The following RNF13 variants were observed in gnomAD, a reference collection of about 807,000 sequenced individuals.
RNF13 encodes the protein ring finger protein 13.
A neutral mutation model predicts 37.7 loss-of-function variants in RNF13; 19 were observed. The ratio of observed to expected loss-of-function variants is 0.50; its 90% confidence interval spans 0.35 to 0.74. RNF13 has a LOEUF of 0.74. Ranked by LOEUF, RNF13 falls within the 30% of genes least tolerant of loss-of-function variation. RNF13 has a pLI of 0.01. For missense variants in RNF13, 375 were observed against 453.0 expected, an observed-to-expected ratio of 0.83 and a Z score of 1.56; for synonymous variants, 144 against 157.8, an observed-to-expected ratio of 0.91 and a Z score of 0.65.
chr3:149,916,109 G>A (rs569058648), intron 7 of RNF13, among the ~76,000 whole-genome samples: 1 of 151,476 alleles, frequency 6.6e-6, no homozygotes, highest in East Asian at 1.9e-4. Flanking sequence ...AAAGAAAATT[G>A]GGGTTATCTG....
At chr3:149,873,389 T>C (rs1193527015) in intron 4 of RNF13, among the ~76,000 whole-genome samples, 2 of 152,210 alleles carry the variant, frequency 1.3e-5, no homozygotes, top group Admixed American at 6.5e-5. Flanking sequence ...TTTTTGAAGA[T>C]GAAACCACAG....
At chr3:149,912,152 G>T in intron 7 of RNF13, 69 bp downstream of exon 7, 1 of 756,758 alleles carries the variant, frequency 1.3e-6, no homozygotes, top group Non-Finnish European at 2.3e-6. Context: ...TGTATTGAGT[G>T]AGAGAATTTA....
intron 1 of RNF13, among the ~76,000 whole-genome samples, chr3:149,826,844 C>T (rs143548001): frequency 7.7e-4 from 117 of 152,328 alleles, no homozygotes; most frequent in Non-Finnish European, 7.3e-4. Flanking sequence ...GCAACTTCTG[C>T]TTCCTGGGCT....
At chr3:149,830,970 A>C (rs1022633524) in intron 1 of RNF13, among the ~76,000 whole-genome samples, 2 of 152,272 alleles carry the variant, frequency 1.3e-5, no homozygotes, top group African/African-American at 4.8e-5. Flanking sequence ...TGCAAACCCC[A>C]AGCATTGACA....
chr3:149,939,610 T>C (rs1358721252), intron 8 of RNF13: 3 of 627,898 alleles, frequency 4.8e-6, no homozygotes, highest in Non-Finnish European at 9.1e-6. Flanking sequence ...ATTCATTGCC[T>C]CTGTTTCAAC....
intron 1 of RNF13, among the ~76,000 whole-genome samples, chr3:149,840,131 A>T (rs929096842): frequency 6.6e-6 from 1 of 152,244 alleles, no homozygotes; most frequent in African/African-American, 2.4e-5. Context: ...TACAGACTGA[A>T]CAGAAAGTAA....
At chr3:149,924,768 G>A (rs1718474719) in intron 8 of RNF13, among the ~76,000 whole-genome samples, 1 of 152,176 alleles carries the variant, frequency 6.6e-6, no homozygotes, top group African/African-American at 2.4e-5. Context: ...AAAGAAATGG[G>A]GTCATAGCTG....
chr3:149,875,765 T>G (rs1193786924), intron 4 of RNF13, among the ~76,000 whole-genome samples: 1 of 152,222 alleles, frequency 6.6e-6, no homozygotes, highest in Non-Finnish European at 1.5e-5. Context: ...TGATTACATG[T>G]CAGGTACTTA....
intron 8 of RNF13, among the ~76,000 whole-genome samples, chr3:149,938,802 T>C (rs1250222570): frequency 6.6e-6 from 1 of 152,022 alleles, no homozygotes; most frequent in East Asian, 1.9e-4. Context: ...AAGCAAAGGG[T>C]GGAGTTCCAT....
At chr3:149,884,745 G>T (rs1713823090) in intron 4 of RNF13, among the ~76,000 whole-genome samples, 1 of 151,862 alleles carries the variant, frequency 6.6e-6, no homozygotes, top group Non-Finnish European at 1.5e-5. Context: ...TATCCTTTGT[G>T]TTACATACAA....
intron 3 of RNF13, among the ~76,000 whole-genome samples, chr3:149,868,828 CT>C (rs1301513354): frequency 6.6e-6 from 1 of 151,726 alleles, no homozygotes; most frequent in African/African-American, 2.4e-5. Context: ...TTGGGGTAGT[CT>C]TATTTGGGTC....
At chr3:149,937,285 G>GTA (rs1273110267) in intron 8 of RNF13, among the ~76,000 whole-genome samples, 3 of 152,176 alleles carry the variant, frequency 2.0e-5, no homozygotes, top group Non-Finnish European at 2.9e-5. Context: ...TAGGGAAACT[G>GTA]GCTGTCTACC....
intron 6 of RNF13, among the ~76,000 whole-genome samples, chr3:149,902,800 C>G (rs1274292996): frequency 6.6e-6 from 1 of 152,038 alleles, no homozygotes; most frequent in Non-Finnish European, 1.5e-5. Flanking sequence ...CGTAGTTGAC[C>G]AGAACAGACT....
chr3:149,847,724 A>G (rs149789999), intron 2 of RNF13, among the ~76,000 whole-genome samples: 2 of 152,338 alleles, frequency 1.3e-5, no homozygotes, highest in East Asian at 3.9e-4. Context: ...TATTCTTGGC[A>G]TGACTTTTGA....
At chr3:149,827,512 T>C (rs942624795) in intron 1 of RNF13, among the ~76,000 whole-genome samples, 1 of 152,168 alleles carries the variant, frequency 6.6e-6, no homozygotes, top group African/African-American at 2.4e-5. Flanking sequence ...GCATTCAGTC[T>C]ATAAATATTA....
intron 6 of RNF13, among the ~76,000 whole-genome samples, chr3:149,909,498 C>T (rs1333126533): frequency 7.3e-6 from 1 of 137,286 alleles, no homozygotes. Context: ...GCCATGTTGG[C>T]CAGGCTAGTC....
In RNF13 at chr3:149,915,528, C is replaced by A. The variant is rs190787091; in HGVS notation, c.606+3445C>A. The stretch of plus-strand genomic sequence containing the variant: ...TACCAAAAAGAATTCAAAGCAAAGA[C>A]TCGAATAGATATTTGTACACCATGT... On this transcript the variant is annotated intron_variant, in intron 7 of 9. Coordinates refer to ENST00000392894, the MANE Select transcript of RNF13 (RefSeq NM_183381.3). 3.2e-3 allele frequency among the ~76,000 whole-genome samples: 486 copies of A among 152,212 alleles called. 1 individual carries two copies. Among genetic ancestry groups the A allele is most frequent in the Non-Finnish European group, 4.8e-3 (325 of 68,020 alleles).
chr3:149,898,343 C>T (rs1486694112), intron 5 of RNF13, among the ~76,000 whole-genome samples: 1 of 151,630 alleles, frequency 6.6e-6, no homozygotes, highest in East Asian at 1.9e-4. Flanking sequence ...TCAACAAATG[C>T]ATTTTGACAG....
chr3:149,847,958 G>A (rs146794526), intron 2 of RNF13, among the ~76,000 whole-genome samples: 17 of 152,148 alleles, frequency 1.1e-4, no homozygotes, highest in Non-Finnish European at 2.9e-5. Context: ...AACTTAAGCA[G>A]ATATATAACC....
Sources: allele counts gnomAD v4.1 joint callset (sites outside exome capture counted in the v4.1 genomes callset), GRCh38; gene constraint gnomAD v4.1.1; transcripts MANE v1.5; gene names NCBI Gene and HGNC (gene_info 2026-07-23, HGNC 2026-07-21).